Variants in THTPA observed in about 807,000 individuals in gnomAD.
The protein encoded by THTPA is thiamine triphosphatase, also known as thiamine-triphosphatase.
A neutral mutation model predicts 16.5 loss-of-function variants in THTPA; 16 were observed. The ratio of observed to expected loss-of-function variants is 0.97; its 90% CI spans 0.66 to 1.47. The LOEUF (loss-of-function observed/expected upper bound fraction) is 1.47. Ranked by LOEUF, THTPA falls within the 40% of genes most tolerant of loss-of-function variation. The pLI is 0.00. For synonymous variants in THTPA, 110 were observed against 115.5 expected (o/e 0.95, Z 0.30); for missense variants, 281 against 280.9 (o/e 1.00, Z 0.00).
the THTPA span, chr14:23,522,831 C>T: frequency 1.2e-5 from 18 of 1,534,354 alleles, no homozygotes; most frequent in African/African-American, 1.1e-4. Flanking sequence ...TTGGTTTGGT[C>T]GGGCATGGGT....
the THTPA span, chr14:23,530,318 G>C: frequency 1.3e-6 from 1 of 766,682 alleles, no homozygotes; most frequent in Non-Finnish European, 2.2e-6. Flanking sequence ...TCAATCAGCA[G>C]GTAGGAGAGT....
Position 23,557,216 on chromosome 14 carries a change from C to T in THTPA, c.459C>T (p.Tyr153=), listed in dbSNP as rs1566603214. The T allele has an allele frequency of 6.2e-7, 1 of 1,613,642 alleles. No individual in the cohort carries two copies. Among genetic ancestry groups the T allele is most frequent in the Non-Finnish European group, 8.5e-7 (1 of 1,179,980 alleles). ...ACTTGGATACAGCCGACTTTGGCTACGCTGTGGGTGAGGTAGAGGCCCTGG... is the reference window on the plus strand; with the variant it reads ...ACTTGGATACAGCCGACTTTGGCTATGCTGTGGGTGAGGTAGAGGCCCTGG... ...RVDLDTADFG[Y]AVGEVEALVH... The change falls in exon 1 of 2, where the codon TAC becomes TAT. Residue 153 remains tyrosine, a synonymous_variant. Transcript: ENST00000288014.
the THTPA span, among the ~76,000 whole-genome samples, chr14:23,541,818 C>T: frequency 4.4e-4 from 57 of 129,112 alleles, no homozygotes; most frequent in Admixed American, 6.2e-4. Context: ...TTAAAACTAT[C>T]ATTCTATCAT....
chr14:23,532,666 G>T, the THTPA span: 2 of 1,508,784 alleles, frequency 1.3e-6, no homozygotes, highest in Non-Finnish European at 8.8e-7. Context: ...TGCAGCGCAG[G>T]TGTAGTGGGG....
chr14:23,518,774 A>G, the THTPA span, among the ~76,000 whole-genome samples: 2 of 151,908 alleles, frequency 1.3e-5, no homozygotes, highest in Non-Finnish European at 2.9e-5. This position sits in a 1 kb window ranked among gnomAD's most constrained non-coding sequence, Gnocchi z 4.5. Context: ...GTTACTCCAC[A>G]GGAGAAATAC....
rs569219385 is a variant in THTPA, at chr14:23,559,646, G to A, written c.*806G>A. On this transcript the variant is annotated 3_prime_UTR_variant, in exon 2 of 2. Transcript: ENST00000288014. Reference sequence around the variant, plus strand: ...TGGTCCCCAGTTTTTGCAGTGCAAAGCCAGAGCGCCACCTGCTGGTAGCCC... The same window carrying A: ...TGGTCCCCAGTTTTTGCAGTGCAAAACCAGAGCGCCACCTGCTGGTAGCCC... The A allele has an allele frequency of 1.9e-6, 2 of 1,056,708 alleles. No individual in the cohort carries two copies. Among genetic ancestry groups the A allele is most frequent in the Admixed American group, 4.0e-5 (2 of 49,734 alleles). 65.5% of individuals were successfully genotyped at this position (1,056,708 alleles called of 1,614,324 possible). A position where few individuals can be genotyped will look rare whatever the true frequency, so the allele number is the denominator to read the frequency against.
chr14:23,534,470 T>G, the THTPA span: 1 of 1,536,276 alleles, frequency 6.5e-7, no homozygotes, highest in Middle Eastern at 1.7e-4. This position sits in a 1 kb window ranked among gnomAD's most constrained non-coding sequence, Gnocchi z 4.5. Context: ...ATGAGGGCCT[T>G]GCAGCCTTCA....
At position 23,557,270 on chromosome 14, in the gene THTPA, C is replaced by T. The variant is rs143744043; in HGVS notation, c.513C>T (p.Ala171=). ...LVHEEAEVPT[A]LEKIHRLSSM... ...ATGAGGAGGCTGAAGTACCAACTGC[C>T]CTAGAGAAGATCCACAGGCTCAGCA... is the stretch of plus-strand genomic sequence containing the variant. Residue 171 remains alanine, a synonymous_variant, in exon 1 of 2, where the codon GCC becomes GCT. Coordinates refer to ENST00000288014, the MANE Select transcript of THTPA (RefSeq NM_024328.6). 8.6e-5 allele frequency: 139 copies of T among 1,608,132 alleles called. No homozygotes were observed. The African/African-American group carries it at 1.4e-3, about 16-fold the overall frequency.
the THTPA span, chr14:23,531,554 G>T: frequency 6.6e-7 from 1 of 1,522,998 alleles, no homozygotes; most frequent in East Asian, 2.5e-5. Context: ...CAGTGGTTGG[G>T]CCATTCTGTA....
chr14:23,538,749 C>G, the THTPA span, among the ~76,000 whole-genome samples: 1 of 152,022 alleles, frequency 6.6e-6, no homozygotes, highest in Non-Finnish European at 1.5e-5. Flanking sequence ...GAGGGTGGAT[C>G]TGGTGTAGGG....
chr14:23,517,799 G>GC, the THTPA span, among the ~76,000 whole-genome samples: 1 of 152,062 alleles, frequency 6.6e-6, no homozygotes, highest in East Asian at 1.9e-4. Flanking sequence ...TTGACTGCCA[G>GC]CAACAGCTTG....
chr14:23,529,883 G>T, the THTPA span: 3 of 1,134,466 alleles, frequency 2.6e-6, no homozygotes, highest in Non-Finnish European at 3.8e-6. Context: ...AAACTCAGTA[G>T]ATAGGTGAGG....
the THTPA span, chr14:23,526,877 C>T: frequency 6.5e-7 from 1 of 1,534,052 alleles, no homozygotes; most frequent in Non-Finnish European, 8.7e-7. Context: ...GGTGTAGGCT[C>T]TGGCCCATGA....
the THTPA span, among the ~76,000 whole-genome samples, chr14:23,544,431 G>A: frequency 6.6e-6 from 1 of 152,196 alleles, no homozygotes; most frequent in Admixed American, 6.5e-5. Context: ...TGGGGTATGT[G>A]TATGTTGTTT....
the THTPA span, chr14:23,529,888 G>T: frequency 9.0e-7 from 1 of 1,105,728 alleles, no homozygotes; most frequent in Non-Finnish European, 1.3e-6. Flanking sequence ...CAGTAGATAG[G>T]TGAGGCTTGG....
Position 23,556,728 on chromosome 14 carries a change from C to G in THTPA, c.-30C>G. ...AGGCTTTGCATCCTTGGGAACTCAG[C>G]AAACGTTTGTTCAGCCAATTGCAGG... On this transcript the variant is annotated 5_prime_UTR_variant, in exon 1 of 2. Coordinates refer to ENST00000288014, the MANE Select transcript of THTPA (RefSeq NM_024328.6). 6.3e-7 allele frequency: 1 copy of G among 1,596,866 alleles called. No homozygotes were observed. The highest frequency in any genetic ancestry group is 1.3e-5 in the African/African-American group (1 of 74,752).
the THTPA span, chr14:23,533,267 A>G: frequency 7.0e-7 from 1 of 1,435,504 alleles, no homozygotes; most frequent in Non-Finnish European, 9.1e-7. The surrounding 1 kb of genome is among the most constrained non-coding windows in gnomAD (Gnocchi z 4.8). Context: ...AGAAGAGGGA[A>G]GAAGCACAGA....
the THTPA span, chr14:23,523,544 G>A: frequency 9.1e-6 from 14 of 1,536,918 alleles, no homozygotes; most frequent in Non-Finnish European, 1.2e-5. This position sits in a 1 kb window ranked among gnomAD's most constrained non-coding sequence, Gnocchi z 4.1. Context: ...GCTGCCCCCA[G>A]TGCTCCCAGC....
At chr14:23,524,568 A>C in the THTPA span, 1 of 1,533,756 alleles carries the variant, frequency 6.5e-7, no homozygotes, top group Non-Finnish European at 8.7e-7. This position sits in a 1 kb window ranked among gnomAD's most constrained non-coding sequence, Gnocchi z 5.6. Context: ...GATGGCAGGA[A>C]ATGTAGTCGG....
Sources: allele counts gnomAD v4.1 joint callset (sites outside exome capture counted in the v4.1 genomes callset), GRCh38; gene constraint gnomAD v4.1.1; non-coding constraint Gnocchi (gnomAD v3.1); transcripts MANE v1.5; gene names NCBI Gene and HGNC (gene_info 2026-07-23, HGNC 2026-07-21).